COX15: variants seen among roughly 807,000 people sequenced by gnomAD.
The protein encoded by COX15 is cytochrome c oxidase assembly factor COX15.
A neutral mutation model predicts 51.9 loss-of-function variants in COX15; 51 were observed. The observed-to-expected ratio is 0.98, with a 90% CI of 0.78 to 1.24. The LOEUF (loss-of-function observed/expected upper bound fraction) is 1.24, where lower values mean the gene tolerates loss of function less well. COX15 is among the 50% of genes most tolerant of loss of function. COX15 has a pLI of 0.00. For synonymous variants in COX15, 188 were observed against 190.5 expected (o/e 0.99, Z 0.11); for missense variants, 420 against 501.1 (o/e 0.84, Z 1.55).
At chr10:99,707,931 G>A (rs1212029847), downstream of COX15, among the ~76,000 whole-genome samples, 1 of 152,150 alleles carries the variant, frequency 6.6e-6, no homozygotes, top group South Asian at 2.1e-4. Flanking sequence ...AAATTCAGGG[G>A]GTACAAGTGC....
At chr10:99,715,640 A>G (rs1237924675) in intron 8 of COX15, among the ~76,000 whole-genome samples, 1 of 132,062 alleles carries the variant, frequency 7.6e-6, no homozygotes, top group Non-Finnish European at 1.6e-5. Context: ...CTCCATCTCT[A>G]AAAAAAAAAA....
At chr10:99,704,521 CT>C in the COX15 span, 1 of 1,614,230 alleles carries the variant, frequency 6.2e-7, no homozygotes, top group East Asian at 2.2e-5. Flanking sequence ...TATACAACCA[CT>C]ATCTCTTCTT....
chr10:99,711,200 C>T lies in COX15; in HGVS notation c.*3387G>A. Reference sequence around the variant, plus strand: ...TTGTTTTTCCAAATGTACTCATCATCTGTAATAAAAGAAAAATGAAGTAAA... The same window carrying T: ...TTGTTTTTCCAAATGTACTCATCATTTGTAATAAAAGAAAAATGAAGTAAA... On this transcript the variant is annotated 3_prime_UTR_variant, in exon 9 of 9. Transcript: ENST00000016171. 1.0e-6 allele frequency: 1 copy of T among 985,300 alleles called. No individual in the cohort carries two copies. The highest frequency in any genetic ancestry group is 1.2e-6 in the Non-Finnish European group (1 of 829,842). 61.0% of individuals were successfully genotyped at this position (985,300 alleles called of 1,614,324 possible).
chr10:99,730,995 G>A (rs1352752566), intron 1 of COX15, among the ~76,000 whole-genome samples: 1 of 152,164 alleles, frequency 6.6e-6, no homozygotes, highest in Non-Finnish European at 1.5e-5. Context: ...TTCCAAGCTG[G>A]AGGCTGCAGT....
rs749901020 is a variant in COX15 at position 99,726,971 on chromosome 10, G to C, written c.579C>G (p.Phe193Leu). ...CTCAACCTTGAATAAATCTTACCTG[G>C]AAGCAGACGAGGCCACAGAGGGCAA... ...RVLALCGLVCFQGLLGWYMVK... is the reference protein window; with the variant it reads ...RVLALCGLVCLQGLLGWYMVK... Residue 193 changes from phenylalanine (F) to leucine (L), a missense_variant, in exon 4 of 9, where the codon TTC (phenylalanine) becomes TTG (leucine). Coordinates refer to ENST00000016171, the MANE Select transcript of COX15 (RefSeq NM_078470.6). 6.2e-7 allele frequency: 1 copy of C among 1,613,574 alleles called. No homozygotes were observed. The highest frequency in any genetic ancestry group is 8.5e-7 in the Non-Finnish European group (1 of 1,179,986).
downstream of COX15, chr10:99,710,834 C>CT: frequency 1.0e-6 from 1 of 985,346 alleles, no homozygotes; most frequent in Non-Finnish European, 1.2e-6. Flanking sequence ...ATTTGTCAGT[C>CT]TAAGTTACAG....
At chr10:99,698,822 C>G in the COX15 span, 1 of 1,609,214 alleles carries the variant, frequency 6.2e-7, no homozygotes, top group African/African-American at 1.3e-5. Flanking sequence ...GCATTGGTGG[C>G]CGCTACCATG....
rs1298134912 is a variant in COX15 at position 99,713,959 on chromosome 10, G to C, written c.*628C>G. 4 of 958,552 alleles carry C rather than the reference G, an allele frequency of 4.2e-6. No homozygotes were observed. In the Admixed American group the frequency reaches 2.6e-4, roughly 62 times the overall value. The allele number at this position is 958,552 out of a possible 1,614,324, so 59.4% of individuals were successfully genotyped here. ...GTACTCCAGCCTGGGCAACAAGAGT[G>C]AAACTCTGTCTCAAAAAAAAAAAAA... On this transcript the variant is annotated 3_prime_UTR_variant, in exon 9 of 9. Coordinates refer to ENST00000016171, the MANE Select transcript of COX15 (RefSeq NM_078470.6).
chr10:99,720,674 A>G (rs987144831), intron 6 of COX15, among the ~76,000 whole-genome samples: 1 of 152,230 alleles, frequency 6.6e-6, no homozygotes, highest in Admixed American at 6.5e-5. Flanking sequence ...TCTCCATTTT[A>G]TAGATAAGGT....
In COX15 at chr10:99,723,956, C is replaced by T; in HGVS notation, c.750G>A (p.Lys250=). ...ACAGATATTTGCACACAACTCTTAC[C>T]TTGTGCGGAGGGAGTAGCAGTGACA... The part of the protein sequence containing the change: ...TSLSLLLPPH[K]LPETHQLLQL... Residue 250 remains lysine (K), a splice_region_variant and synonymous_variant, in exon 5 of 9, where the codon AAG becomes AAA. Coordinates refer to ENST00000016171, the MANE Select transcript of COX15 (RefSeq NM_078470.6). 6.2e-7 allele frequency: 1 copy of T among 1,613,686 alleles called. No homozygotes were observed. Among genetic ancestry groups the T allele is most frequent in the Middle Eastern group, 1.7e-4 (1 of 5,756 alleles).
rs555416400 is a variant in COX15 at position 99,711,908 on chromosome 10, C to A, written c.*2679G>T. 6.0e-6 allele frequency: 5 copies of A among 828,810 alleles called. No individual in the cohort carries two copies. Among genetic ancestry groups the A allele is most frequent in the Non-Finnish European group, 5.8e-6 (4 of 687,398 alleles). 51.3% of individuals were successfully genotyped at this position (828,810 alleles called of 1,614,324 possible). A position where few individuals can be genotyped will look rare whatever the true frequency, so the allele number is the denominator to read the frequency against. On this transcript the variant is annotated 3_prime_UTR_variant, in exon 9 of 9. Transcript: ENST00000016171. ...GCATAGAACTGTATAGGAAGCATGG[C>A]GCTGGCATCTGCTTCTGGTGAGGGC...
chr10:99,707,364 A>G (rs1315405614), downstream of COX15, among the ~76,000 whole-genome samples: 3 of 152,200 alleles, frequency 2.0e-5, no homozygotes, highest in Non-Finnish European at 4.4e-5. Context: ...TAGATTTTAA[A>G]TGAAATCTTA....
the COX15 span, among the ~76,000 whole-genome samples, chr10:99,703,655 A>C: frequency 6.6e-6 from 1 of 152,300 alleles, no homozygotes; most frequent in South Asian, 2.1e-4. Flanking sequence ...ACTGTAATAC[A>C]GTTGATCAGG....
chr10:99,722,216 G>A (rs2036797926), intron 5 of COX15, among the ~76,000 whole-genome samples: 1 of 152,122 alleles, frequency 6.6e-6, no homozygotes, highest in Admixed American at 6.6e-5. Flanking sequence ...CTACTGTGTT[G>A]GACAGCATAG....
intron 7 of COX15, 127 bp from the exon 8 acceptor site, chr10:99,716,588 C>T: frequency 1.5e-6 from 1 of 674,010 alleles, no homozygotes; most frequent in Admixed American, 2.1e-5. Context: ...CAGAGAACCT[C>T]CCTGCAGTCC....
chr10:99,704,462 C>G, the COX15 span: 1 of 1,614,062 alleles, frequency 6.2e-7, no homozygotes, highest in East Asian at 2.2e-5. Context: ...GGATCTTCGG[C>G]AGGAAGGTGT....
At chr10:99,720,887 G>A (rs2036741203) in intron 6 of COX15, 100 bp downstream of exon 6, 4 of 894,884 alleles carry the variant, frequency 4.5e-6, no homozygotes, top group South Asian at 1.4e-5. Context: ...GATGTGAAAA[G>A]GAAATATAAA....
In COX15 at chr10:99,727,440, C is replaced by T; in HGVS notation, c.395+1G>A. 1.9e-6 allele frequency: 3 copies of T among 1,613,324 alleles called. No homozygotes were observed. The highest frequency in any genetic ancestry group is 2.5e-6 in the Non-Finnish European group (3 of 1,180,000). On this transcript the variant is annotated splice_donor_variant, in intron 3 of 8. Transcript: ENST00000016171. LOFTEE classifies it high-confidence loss of function. ...TTTACCTAATTTTCTCTAATACTTACATTTTAAATTCTGGAAATTGCTGGT... is the reference window on the plus strand; with the variant it reads ...TTTACCTAATTTTCTCTAATACTTATATTTTAAATTCTGGAAATTGCTGGT...
chr10:99,710,856 T>A (rs1007363389), downstream of COX15: 2 of 985,318 alleles, frequency 2.0e-6, no homozygotes, highest in Non-Finnish European at 2.4e-6. Context: ...CAAAAAATTC[T>A]AGGTTGACTG....
Sources: gnomAD v4.1 joint callset for allele counts (sites outside exome capture counted in the v4.1 genomes callset) on GRCh38, gnomAD v4.1.1 for gene constraint, MANE v1.5 for transcripts, NCBI Gene and HGNC (gene_info 2026-07-23, HGNC 2026-07-21) for gene names.